Variants in AVEN observed in about 807,000 individuals in gnomAD.
AVEN encodes the protein cell death regulator Aven.
AVEN carries 41 observed loss-of-function variants against 38.1 expected under a neutral mutation model. That is an observed-to-expected ratio of 1.08 (90% CI 0.84 to 1.40). The LOEUF is 1.40. Among genes scored for constraint, AVEN ranks in the 40% most tolerant of loss-of-function variants. AVEN has a pLI of 0.00. For missense variants in AVEN, 605 were observed against 438.8 expected (o/e 1.38, Z -3.38); for synonymous variants, 206 against 171.8 (o/e 1.20, Z -1.56).
intron 1 of AVEN, among the ~76,000 whole-genome samples, chr15:34,003,573 T>C (rs962900439): frequency 6.6e-6 from 1 of 152,238 alleles, no homozygotes; most frequent in African/African-American, 2.4e-5. Flanking sequence ...TCCCTTTCAA[T>C]TTATGGATAT....
chr15:34,044,612 T>TA (rs1899616618), intron 5 of AVEN, among the ~76,000 whole-genome samples: 1 of 152,148 alleles, frequency 6.6e-6, no homozygotes, highest in African/African-American at 2.4e-5. Context: ...TACTCTGGAA[T>TA]AACAAGACAA....
downstream of AVEN, among the ~76,000 whole-genome samples, chr15:33,861,739 A>ATGTC (rs1888308920): frequency 6.6e-6 from 1 of 152,076 alleles, no homozygotes; most frequent in Non-Finnish European, 1.5e-5. Flanking sequence ...AGGCCTCATC[A>ATGTC]TGTCTGTCTT....
chr15:33,915,273 C>A, intron 2 of AVEN, among the ~76,000 whole-genome samples: 1 of 152,104 alleles, frequency 6.6e-6, no homozygotes, highest in Non-Finnish European at 1.5e-5. Flanking sequence ...CCAAGATAAT[C>A]CACAGACTCT....
intron 2 of AVEN, among the ~76,000 whole-genome samples, chr15:33,941,893 C>T (rs1368708948): frequency 1.3e-5 from 2 of 152,166 alleles, no homozygotes; most frequent in Non-Finnish European, 2.9e-5. Flanking sequence ...TGTTTGCTTT[C>T]TTGATAGTAA....
intron 2 of AVEN, among the ~76,000 whole-genome samples, chr15:33,985,052 A>C (rs936960800): frequency 6.6e-6 from 1 of 151,948 alleles, no homozygotes; most frequent in African/African-American, 2.4e-5. Flanking sequence ...ATCCCACAGC[A>C]CTCTGTACCT....
chr15:33,938,058 A>G (rs975752587), intron 2 of AVEN, among the ~76,000 whole-genome samples: 1 of 152,082 alleles, frequency 6.6e-6, no homozygotes, highest in African/African-American at 2.4e-5. Context: ...AACTATTTAA[A>G]ATAAAGGAAT....
At chr15:33,885,216 C>T (rs1248515340) in intron 2 of AVEN, among the ~76,000 whole-genome samples, 1 of 152,172 alleles carries the variant, frequency 6.6e-6, no homozygotes, top group Non-Finnish European at 1.5e-5. Flanking sequence ...ATAGTCACCG[C>T]AATGGCTGCT....
At chr15:33,881,361 A>G (rs2153037960) in intron 2 of AVEN, among the ~76,000 whole-genome samples, 1 of 152,026 alleles carries the variant, frequency 6.6e-6, no homozygotes, top group Non-Finnish European at 1.5e-5. Context: ...CTAGGATTAC[A>G]GGTATGAGAC....
rs80286880 is a variant in AVEN at position 34,061,963 on chromosome 15, A to T, written n.1637+959T>A. Among the ~76,000 whole-genome samples, 663 of 152,304 alleles carry T rather than the reference A, an allele frequency of 4.4e-3. 5 individuals carry two copies. The highest frequency in any genetic ancestry group is 0.015 in the African/African-American group (639 of 41,560). On this transcript the variant is annotated intron_variant and non_coding_transcript_variant, in intron 5 of 11. Transcript: ENST00000675287. ...AGGTATTTATCACCAGGATCTTAAA[A>T]ATATAGGGTTTCAGCCCTTATGATC...
Position 33,968,435 on chromosome 15 carries a change from A to C in AVEN, c.445+34597T>G, listed in dbSNP as rs533093530. Among the ~76,000 whole-genome samples, 75 of 152,234 alleles carry C rather than the reference A, an allele frequency of 4.9e-4. 5 individuals are homozygous for C. The South Asian group carries it at 0.015, about 30-fold the overall frequency. ...AGGGGAAGTAATTAATGAGTTTTTT[A>C]TGTATGGCAGCGTCATCCCATCAGT... On this transcript the variant is annotated intron_variant, in intron 2 of 5. Coordinates refer to ENST00000306730, the MANE Select transcript of AVEN (RefSeq NM_020371.3).
intron 2 of AVEN, among the ~76,000 whole-genome samples, chr15:33,886,334 G>A (rs1408785829): frequency 6.6e-6 from 1 of 152,058 alleles, no homozygotes; most frequent in East Asian, 1.9e-4. Context: ...ATGGAGTCTC[G>A]CTCTGTCGCC....
intron 2 of AVEN, among the ~76,000 whole-genome samples, chr15:33,945,300 A>G (rs1414530210): frequency 6.6e-6 from 1 of 152,174 alleles, no homozygotes; most frequent in African/African-American, 2.4e-5. Flanking sequence ...ATCTGGTAAA[A>G]TGGGCATTAT....
intron 2 of AVEN, among the ~76,000 whole-genome samples, chr15:33,904,712 T>TACACACACACACACACACACAC (rs1394478053): frequency 2.2e-4 from 31 of 138,228 alleles, no homozygotes; most frequent in South Asian, 4.6e-4. Context: ...TATATATATA[T>TACACACACACACACACACACAC]ATATACACAC....
chr15:33,911,399 CCTT>C (rs1341091760), intron 2 of AVEN, among the ~76,000 whole-genome samples: 1 of 151,078 alleles, frequency 6.6e-6, no homozygotes, highest in Non-Finnish European at 1.5e-5. Context: ...CTGCCCCCCT[CCTT>C]TTTTGCTAAC....
downstream of AVEN, chr15:33,857,992 C>G (rs931604078): frequency 1.6e-5 from 26 of 1,577,160 alleles, no homozygotes; most frequent in African/African-American, 3.4e-4. Flanking sequence ...GGAAGAAGGG[C>G]TGTGTGGGGG....
downstream of AVEN, chr15:33,865,059 G>GAACAAAAAC (rs748400278): frequency 2.0e-5 from 24 of 1,208,206 alleles, no homozygotes; most frequent in Middle Eastern, 2.0e-4. Context: ...GAGCCACAAA[G>GAACAAAAAC]AACAAAAACA....
intron 2 of AVEN, among the ~76,000 whole-genome samples, chr15:33,958,970 T>C (rs550430711): frequency 2.0e-5 from 3 of 152,316 alleles, no homozygotes; most frequent in East Asian, 3.9e-4. Flanking sequence ...CAGCCCATCC[T>C]ATCCAGTCTC....
chr15:34,063,012 G>A lies in AVEN; in HGVS notation n.1547C>T, dbSNP rs1567494122. 1.2e-6 allele frequency: 2 copies of A among 1,614,168 alleles called. No individual in the cohort carries two copies. The highest frequency in any genetic ancestry group is 2.2e-5 in the East Asian group (1 of 44,882). On this transcript the variant is annotated non_coding_transcript_exon_variant, in exon 5 of 12. Coordinates refer to the AVEN transcript ENST00000675287. This position sits in a 1 kb window ranked among gnomAD's most constrained non-coding sequence, Gnocchi z 4.1. The stretch of plus-strand genomic sequence containing the variant: ...CATCCTCATGGGACGCTGGGCTCTC[G>A]GGAGTCTGGCTTGTGACCTTTGGCT...
In AVEN at chr15:34,019,182, G is replaced by A. The variant is rs1448142941; in HGVS notation, c.268-15973C>T. On this transcript the variant is annotated intron_variant, in intron 1 of 5. Coordinates refer to ENST00000306730, the MANE Select transcript of AVEN (RefSeq NM_020371.3). The stretch of plus-strand genomic sequence containing the variant: ...CCCAGTAAGTCCAGCTGGCTTCACC[G>A]CTTACTATTGATGATCCTGACCCTG... 6.6e-5 allele frequency among the ~76,000 whole-genome samples: 10 copies of A among 152,296 alleles called. No homozygotes were observed. In the South Asian group the frequency reaches 1.4e-3, roughly 22 times the overall value.
Sources: gnomAD v4.1 joint callset for allele counts (sites outside exome capture counted in the v4.1 genomes callset) on GRCh38, gnomAD v4.1.1 for gene constraint, Gnocchi (gnomAD v3.1) non-coding constraint, MANE v1.5 for transcripts, NCBI Gene and HGNC (gene_info 2026-07-23, HGNC 2026-07-21) for gene names.